SCAPER: variants seen among roughly 807,000 people sequenced by gnomAD.
SCAPER encodes S-phase cyclin A associated protein in the ER.
SCAPER carries 98 observed loss-of-function variants against 182.2 expected under a neutral mutation model. That is an observed-to-expected ratio of 0.54 (90% CI 0.46 to 0.64). SCAPER has a LOEUF of 0.64. Among genes scored for constraint, SCAPER ranks in the 30% least tolerant of loss-of-function variants. The pLI, the probability that SCAPER is intolerant of heterozygous loss-of-function variation, is 0.00. For missense variants in SCAPER, 1,432 were observed against 1,690.0 expected (o/e 0.85, Z 2.68); for synonymous variants, 605 against 564.6 (o/e 1.07, Z -1.01).
chr15:76,474,031 G>T (rs1166842103), intron 24 of SCAPER, among the ~76,000 whole-genome samples: 1 of 151,954 alleles, frequency 6.6e-6, no homozygotes, highest in Admixed American at 6.6e-5. Flanking sequence ...GGCTGGTCTC[G>T]AATTCCTGGC....
intron 4 of SCAPER, among the ~76,000 whole-genome samples, chr15:76,848,348 A>T (rs2151814738): frequency 9.2e-6 from 1 of 108,700 alleles, no homozygotes; most frequent in African/African-American, 4.0e-5. Flanking sequence ...TTTTTTTTTG[A>T]CACAGAGTCT....
At chr15:76,830,855 G>A (rs2068406803) in intron 5 of SCAPER, among the ~76,000 whole-genome samples, 1 of 151,886 alleles carries the variant, frequency 6.6e-6, no homozygotes, top group Admixed American at 6.6e-5. Context: ...CATTGAGAGT[G>A]GATAGAGGGA....
At chr15:76,471,025 T>C (rs944778704) in intron 25 of SCAPER, 187 bp downstream of exon 25, 9 of 441,946 alleles carry the variant, frequency 2.0e-5, no homozygotes, top group African/African-American at 4.1e-5. Flanking sequence ...AATGCAAAAA[T>C]TTCAAATTAT....
intron 8 of SCAPER, among the ~76,000 whole-genome samples, chr15:76,790,434 T>C (rs185021406): frequency 1.2e-3 from 182 of 152,304 alleles, no homozygotes; most frequent in Non-Finnish European, 2.1e-3. Flanking sequence ...TGGAATGTTC[T>C]TCATGAAAAA....
At chr15:76,756,414 A>G (rs1386382066) in intron 14 of SCAPER, among the ~76,000 whole-genome samples, 1 of 152,030 alleles carries the variant, frequency 6.6e-6, no homozygotes, top group Non-Finnish European at 1.5e-5. Flanking sequence ...CTGTCTCTAC[A>G]AAAAAATTAA....
chr15:76,360,593 G>T (rs1272758743), intron 29 of SCAPER, among the ~76,000 whole-genome samples: 2 of 152,228 alleles, frequency 1.3e-5, no homozygotes, highest in African/African-American at 4.8e-5. Flanking sequence ...CCAGCTTCTT[G>T]CATGGCTCTG....
At chr15:76,848,906 C>T (rs1032865705) in intron 4 of SCAPER, among the ~76,000 whole-genome samples, 10 of 152,072 alleles carry the variant, frequency 6.6e-5, no homozygotes, top group Non-Finnish European at 1.2e-4. Context: ...GAACAGTCAC[C>T]CCAGCCATGG....
At chr15:76,453,855 T>C (rs187782547) in intron 25 of SCAPER, among the ~76,000 whole-genome samples, 86 of 152,330 alleles carry the variant, frequency 5.6e-4, no homozygotes, top group Admixed American at 9.8e-4. Context: ...GGCAGAAAGA[T>C]ACTTGGAGAA....
intron 24 of SCAPER, among the ~76,000 whole-genome samples, chr15:76,487,821 C>T (rs1396273379): frequency 6.6e-6 from 1 of 152,118 alleles, no homozygotes; most frequent in African/African-American, 2.4e-5. Context: ...TGACTTAACT[C>T]CACTAGTCTT....
intron 23 of SCAPER, among the ~76,000 whole-genome samples, chr15:76,519,971 TC>T (rs2042715931): frequency 6.6e-6 from 1 of 152,218 alleles, no homozygotes; most frequent in African/African-American, 2.4e-5. Context: ...TATCCTGGGA[TC>T]TTTGTAGTAT....
chr15:76,513,519 T>C (rs2042205178), intron 23 of SCAPER, among the ~76,000 whole-genome samples: 1 of 152,182 alleles, frequency 6.6e-6, no homozygotes, highest in Non-Finnish European at 1.5e-5. Context: ...ATACCTTATA[T>C]GCAAATCTAA....
intron 23 of SCAPER, among the ~76,000 whole-genome samples, chr15:76,524,689 G>GTTTGTTTTTTTTTTTT (rs2043058673): frequency 6.0e-5 from 3 of 50,114 alleles, no homozygotes; most frequent in Non-Finnish European, 7.0e-5. Flanking sequence ...TTTTTGTTCT[G>GTTTGTTTTTTTTTTTT]TTTTTTTTTT....
At chr15:76,406,836 T>C (rs912913124) in intron 26 of SCAPER, among the ~76,000 whole-genome samples, 6 of 152,204 alleles carry the variant, frequency 3.9e-5, no homozygotes, top group Non-Finnish European at 8.8e-5. Context: ...GGAGTGAGCA[T>C]GTGCTTCAGG....
intron 27 of SCAPER, among the ~76,000 whole-genome samples, chr15:76,395,938 G>A (rs1367410843): frequency 6.6e-6 from 1 of 152,114 alleles, no homozygotes; most frequent in African/African-American, 2.4e-5. Context: ...GTCCTTAAGA[G>A]TTTCCCCAAT....
Position 76,574,199 on chromosome 15 carries a change from C to T in SCAPER, c.2797G>A (p.Asp933Asn), listed in dbSNP as rs1310278601. Reference protein sequence around the residue: ...SWANNKVSALDRTLGEITRIL... With the variant: ...SWANNKVSALNRTLGEITRIL... ...CTAGTGATCTCTCCTAGGGTCCGATCCAAAGCAGACACTTTATTGTTTGCC... is the reference window on the plus strand; with the variant it reads ...CTAGTGATCTCTCCTAGGGTCCGATTCAAAGCAGACACTTTATTGTTTGCC... The change falls in exon 23 of 32, where the codon GAT (aspartate) becomes AAT (asparagine). Residue 933 changes from aspartate to asparagine, a missense_variant. Asp to Asn is a conservative substitution (Grantham distance 23). Around this residue, in one of 5 missense-constraint regions of SCAPER, gnomAD observed 718 missense variants for 799.7 expected, o/e 0.90. Transcript: ENST00000563290. The T allele has an allele frequency of 6.2e-7, 1 of 1,610,370 alleles. No homozygotes were observed.
intron 23 of SCAPER, among the ~76,000 whole-genome samples, chr15:76,563,444 A>G (rs139816016): frequency 1.2e-3 from 182 of 152,314 alleles, no homozygotes; most frequent in African/African-American, 4.1e-3. Flanking sequence ...TCCTGGACAC[A>G]TACACCCTCC....
intron 28 of SCAPER, among the ~76,000 whole-genome samples, chr15:76,377,794 A>G (rs561294963): frequency 4.6e-5 from 7 of 152,344 alleles, no homozygotes; most frequent in African/African-American, 1.7e-4. Context: ...GTTCTCACAC[A>G]AAATAAGCAT....
chr15:76,375,711 G>A lies in SCAPER; in HGVS notation c.3855+451C>T, dbSNP rs375913872. ...AATCTATTTGAAGAGGGCCAGGTGTGATGGCTTATGCCTGTAATCTCAGCA... is the reference window on the plus strand; with the variant it reads ...AATCTATTTGAAGAGGGCCAGGTGTAATGGCTTATGCCTGTAATCTCAGCA... On this transcript the variant is annotated intron_variant, in intron 29 of 31. Coordinates refer to ENST00000563290, the MANE Select transcript of SCAPER (RefSeq NM_020843.4). Among the ~76,000 whole-genome samples the A allele has an allele frequency of 4.7e-4, 72 of 152,334 alleles. No individual in the cohort carries two copies. In the South Asian group the frequency reaches 0.014, roughly 31 times the overall value.
At chr15:76,671,713 T>C (rs986485246) in intron 20 of SCAPER, among the ~76,000 whole-genome samples, 1 of 150,612 alleles carries the variant, frequency 6.6e-6, no homozygotes, top group Admixed American at 6.6e-5. Context: ...GAGCTTGCAG[T>C]GAGTCGAGAT....
Sources: gnomAD v4.1 joint callset for allele counts (sites outside exome capture counted in the v4.1 genomes callset) on GRCh38, gnomAD v4.1.1 for gene constraint, gnomAD v4.1.1 regional missense constraint, MANE v1.5 for transcripts, NCBI Gene and HGNC (gene_info 2026-07-23, HGNC 2026-07-21) for gene names.